The following ZC3H12B variants were observed in gnomAD, a reference collection of about 807,000 sequenced individuals.
The protein encoded by ZC3H12B is probable ribonuclease ZC3H12B.
ZC3H12B carries 7 observed loss-of-function variants against 43.9 expected under a neutral mutation model. The ratio of observed to expected loss-of-function variants is 0.16; its 90% CI spans 0.09 to 0.30. ZC3H12B has a LOEUF of 0.30. Ranked by LOEUF, ZC3H12B falls within the 10% of genes least tolerant of loss-of-function variation. The pLI, the probability that ZC3H12B is intolerant of heterozygous loss-of-function variation, is 1.00. For missense variants in ZC3H12B, 475 were observed against 670.2 expected (o/e 0.71, Z 3.22); for synonymous variants, 222 against 241.7 (o/e 0.92, Z 0.76).
At chrX:65,213,270 C>G in the ZC3H12B span, among the ~76,000 whole-genome samples, 3 of 110,593 alleles carry the variant, frequency 2.7e-5, no homozygotes, top group Non-Finnish European at 5.7e-5. Flanking sequence ...TTTTTATACT[C>G]TATCTACCAC....
chrX:65,475,416 G>A (rs1307304444), intron 3 of ZC3H12B, among the ~76,000 whole-genome samples: 2 of 110,128 alleles, frequency 1.8e-5, no homozygotes, highest in Non-Finnish European at 3.8e-5. Flanking sequence ...TAATTCTGCA[G>A]GATATAGTAT....
Position 65,380,738 on chromosome X carries a change from G to A in ZC3H12B, n.295+11740G>A, listed in dbSNP as rs189994056. ...ATCTCACGGGCAGAGACACACATAG[G>A]CTCAAAATAAAAGGATGGAGGAAGA... On this transcript the variant is annotated intron_variant and non_coding_transcript_variant, in intron 2 of 5. Coordinates refer to the ZC3H12B transcript ENST00000617377. Among the ~76,000 whole-genome samples the A allele has an allele frequency of 2.3e-3, 258 of 111,608 alleles. 2 individuals are homozygous for A. Among genetic ancestry groups the A allele is most frequent in the African/African-American group, 7.8e-3 (239 of 30,723 alleles).
chrX:65,193,589 C>A, the ZC3H12B span, among the ~76,000 whole-genome samples: 1 of 111,505 alleles, frequency 9.0e-6, no homozygotes, highest in Admixed American at 9.5e-5. Flanking sequence ...CTTTTCCTGT[C>A]ATCGATCTTT....
At chrX:65,112,868 T>A in the ZC3H12B span, among the ~76,000 whole-genome samples, 2 of 112,178 alleles carry the variant, frequency 1.8e-5, no homozygotes, top group Non-Finnish European at 3.8e-5. Context: ...TGAGTAATTC[T>A]GACTTTCAAG....
chrX:65,340,576 G>A, the ZC3H12B span, among the ~76,000 whole-genome samples: 1 of 112,074 alleles, frequency 8.9e-6, no homozygotes, highest in African/African-American at 3.2e-5. Flanking sequence ...AGAGCAGGCA[G>A]TTCAGGAGTT....
At chrX:65,468,485 CTT>C (rs756168806) in intron 3 of ZC3H12B, among the ~76,000 whole-genome samples, 10,263 of 87,973 alleles carry the variant, frequency 0.12, 1,872 homozygotes, top group African/African-American at 0.47. Flanking sequence ...TTCTTTCTTT[CTT>C]TTTTTTTTTT....
At chrX:65,419,215 G>A (rs1235661576) in intron 3 of ZC3H12B, among the ~76,000 whole-genome samples, 1 of 111,890 alleles carries the variant, frequency 8.9e-6, no homozygotes, top group Non-Finnish European at 1.9e-5. Context: ...TGTGGAATGA[G>A]GCCTAAATGG....
At chrX:65,389,000 T>A (rs2066571566) in intron 2 of ZC3H12B, among the ~76,000 whole-genome samples, 1 of 111,742 alleles carries the variant, frequency 8.9e-6, no homozygotes, top group South Asian at 3.8e-4. Flanking sequence ...CTCTGGAAGT[T>A]TTGTCTCAGA....
chrX:65,126,620 C>T, the ZC3H12B span, among the ~76,000 whole-genome samples: 1 of 109,663 alleles, frequency 9.1e-6, no homozygotes, highest in African/African-American at 3.3e-5. Context: ...CTTGGGTACA[C>T]CAATTATTTT....
At chrX:65,207,284 C>G in the ZC3H12B span, among the ~76,000 whole-genome samples, 10 of 107,256 alleles carry the variant, frequency 9.3e-5, no homozygotes, top group Non-Finnish European at 1.9e-4. Context: ...ATACACACAC[C>G]GTGGTCTACT....
At chrX:65,388,946 A>ACAGCGGATATTGGTGAG (rs2066570791) in intron 2 of ZC3H12B, among the ~76,000 whole-genome samples, 1 of 111,720 alleles carries the variant, frequency 9.0e-6, no homozygotes, top group East Asian at 2.8e-4. Flanking sequence ...AGGCTGCAGA[A>ACAGCGGATATTGGTGAG]CAGCGGATAT....
chrX:65,258,040 G>A, the ZC3H12B span, among the ~76,000 whole-genome samples: 6 of 111,413 alleles, frequency 5.4e-5, no homozygotes, highest in Non-Finnish European at 1.1e-4. Context: ...CATTTTGTGA[G>A]GCCAGTGTCA....
chrX:65,121,151 G>T, the ZC3H12B span, among the ~76,000 whole-genome samples: 1 of 111,393 alleles, frequency 9.0e-6, no homozygotes, highest in East Asian at 2.8e-4. Context: ...GTATCAGGAT[G>T]ATGCTGGCCT....
chrX:65,197,416 T>A, the ZC3H12B span, among the ~76,000 whole-genome samples: 1 of 112,246 alleles, frequency 8.9e-6, no homozygotes, highest in African/African-American at 3.2e-5. Flanking sequence ...ATGTAAGAAT[T>A]TGAAAGACCT....
the ZC3H12B span, among the ~76,000 whole-genome samples, chrX:65,279,897 A>G: frequency 2.7e-5 from 3 of 112,258 alleles, no homozygotes; most frequent in Admixed American, 9.4e-5. Flanking sequence ...CAACCCCAAT[A>G]AAAAGTGGGC....
chrX:65,311,938 G>T, the ZC3H12B span, among the ~76,000 whole-genome samples: 1 of 111,073 alleles, frequency 9.0e-6, no homozygotes, highest in East Asian at 2.8e-4. Flanking sequence ...GGTGGGAATT[G>T]AACAATGAGA....
At chrX:65,150,570 T>C in the ZC3H12B span, among the ~76,000 whole-genome samples, 2 of 110,230 alleles carry the variant, frequency 1.8e-5, no homozygotes, top group Non-Finnish European at 3.8e-5. Flanking sequence ...CTCCCACTTA[T>C]GAGTGAGAAC....
the ZC3H12B span, among the ~76,000 whole-genome samples, chrX:65,261,151 A>G: frequency 8.9e-6 from 1 of 111,948 alleles, no homozygotes; most frequent in Non-Finnish European, 1.9e-5. Context: ...AAGACTGAGC[A>G]TCAGAGGTGT....
chrX:65,163,040 C>G, the ZC3H12B span, among the ~76,000 whole-genome samples: 2 of 111,729 alleles, frequency 1.8e-5, no homozygotes, highest in African/African-American at 6.5e-5. Context: ...CACTCCAGAC[C>G]CTGTTTGCCT....
Sources: gnomAD v4.1 joint callset for allele counts (sites outside exome capture counted in the v4.1 genomes callset) on GRCh38, gnomAD v4.1.1 for gene constraint, MANE v1.5 for transcripts, NCBI Gene and HGNC (gene_info 2026-07-23, HGNC 2026-07-21) for gene names.